The following R3HCC1L variants were observed in gnomAD, a reference collection of about 807,000 sequenced individuals.
R3HCC1L encodes the protein coiled-coil domain-containing protein R3HCC1L.
A neutral mutation model predicts 59.9 loss-of-function variants in R3HCC1L; 51 were observed. The observed-to-expected ratio is 0.85, with a 90% CI of 0.68 to 1.07. The LOEUF is 1.07. R3HCC1L is among the 50% of genes least tolerant of loss of function. The probability of loss-of-function intolerance (pLI) is 0.00; values close to 1 mark genes in which losing one functional copy is unlikely to be tolerated. For synonymous variants in R3HCC1L, 322 were observed against 315.2 expected (o/e 1.02, Z -0.23); for missense variants, 965 against 933.0 (o/e 1.03, Z -0.45).
intron 4 of R3HCC1L, chr10:98,186,503 A>G (rs1046624817): frequency 2.0e-6 from 2 of 983,448 alleles, no homozygotes; most frequent in African/African-American, 1.7e-5. Flanking sequence ...TGGATCTTAC[A>G]TAAACCTTTA....
chr10:98,209,307 C>T lies in R3HCC1L; in HGVS notation c.1193C>T (p.Ala398Val). 2 of 1,613,882 alleles carry T rather than the reference C, an allele frequency of 1.2e-6. No individual in the cohort carries two copies. The highest frequency in any genetic ancestry group is 1.7e-6 in the Non-Finnish European group (2 of 1,179,924). Residue 398 changes from alanine (A) to valine (V), a missense_variant, in exon 5 of 10, where the codon GCA becomes GTA. Transcript: ENST00000298999. Reference sequence around the variant, plus strand: ...ACTGTTGATAGCCCTTATGTAGTTGCAGTTAGAATAGCTGATGAGACCTCT... The same window carrying T: ...ACTGTTGATAGCCCTTATGTAGTTGTAGTTAGAATAGCTGATGAGACCTCT... ...HVTVDSPYVVAVRIADETSIN... is the reference protein window; with the variant it reads ...HVTVDSPYVVVVRIADETSIN...
intron 5 of R3HCC1L, among the ~76,000 whole-genome samples, chr10:98,213,854 A>G (rs762869644): frequency 1.3e-5 from 2 of 152,138 alleles, no homozygotes; most frequent in Non-Finnish European, 2.9e-5. Context: ...CTGAATTGAC[A>G]TGTTATTGAC....
At chr10:98,154,038 A>T (rs1207064008) in intron 1 of R3HCC1L, among the ~76,000 whole-genome samples, 1 of 152,212 alleles carries the variant, frequency 6.6e-6, no homozygotes, top group African/African-American at 2.4e-5. Flanking sequence ...TTACAGGTTG[A>T]GTATCCCTTA....
intron 1 of R3HCC1L, among the ~76,000 whole-genome samples, chr10:98,151,936 G>A (rs1051312923): frequency 6.6e-6 from 1 of 151,702 alleles, no homozygotes; most frequent in South Asian, 2.1e-4. Context: ...CTCTCCCCAC[G>A]GTCTCCCTCT....
intron 4 of R3HCC1L, among the ~76,000 whole-genome samples, chr10:98,195,572 T>C (rs1219053768): frequency 6.7e-6 from 1 of 148,272 alleles, no homozygotes; most frequent in Non-Finnish European, 1.5e-5. Flanking sequence ...TATTGTAAAG[T>C]CCTTTTGTAT....
chr10:98,229,562 T>C (rs1856106086), intron 5 of R3HCC1L, among the ~76,000 whole-genome samples: 1 of 152,204 alleles, frequency 6.6e-6, no homozygotes, highest in Non-Finnish European at 1.5e-5. Flanking sequence ...CCTAATTGAT[T>C]ACCCTTTATT....
chr10:98,149,343 A>G (rs188507036), intron 1 of R3HCC1L, among the ~76,000 whole-genome samples: 2 of 151,914 alleles, frequency 1.3e-5, no homozygotes, highest in South Asian at 2.1e-4. Context: ...CCGTAGTCTA[A>G]ATTCTATTTA....
intron 1 of R3HCC1L, among the ~76,000 whole-genome samples, chr10:98,148,579 G>C (rs1452819809): frequency 1.3e-5 from 2 of 151,986 alleles, no homozygotes; most frequent in African/African-American, 4.8e-5. Context: ...TGTGCTGAGG[G>C]TTTTTATCAT....
intron 4 of R3HCC1L, among the ~76,000 whole-genome samples, chr10:98,197,255 C>G (rs1394937143): frequency 6.6e-6 from 1 of 152,018 alleles, no homozygotes; most frequent in Non-Finnish European, 1.5e-5. Context: ...ACTTGTTTTC[C>G]TGTTACTTCT....
intron 5 of R3HCC1L, among the ~76,000 whole-genome samples, chr10:98,221,456 T>G (rs1437243703): frequency 6.6e-6 from 1 of 151,508 alleles, no homozygotes; most frequent in Non-Finnish European, 1.5e-5. Context: ...TCCTTGCCCA[T>G]GCCTATGTCC....
chr10:98,142,805 T>C (rs181013177), intron 1 of R3HCC1L, among the ~76,000 whole-genome samples: 3 of 151,972 alleles, frequency 2.0e-5, no homozygotes, highest in Middle Eastern at 3.2e-3. Flanking sequence ...TCTGGCGACA[T>C]GTGCCTGTAG....
chr10:98,231,434 A>G, intron 5 of R3HCC1L, 78 bp from the exon 6 acceptor site: 10 of 1,322,370 alleles, frequency 7.6e-6, no homozygotes, highest in Non-Finnish European at 9.5e-6. Context: ...AGGGAGGAGG[A>G]TTGTTTATAT....
intron 4 of R3HCC1L, among the ~76,000 whole-genome samples, chr10:98,171,710 G>C (rs1003450964): frequency 1.3e-5 from 2 of 152,160 alleles, no homozygotes; most frequent in African/African-American, 4.8e-5. Flanking sequence ...TGTAGGTTCT[G>C]GGAACCTATG....
At chr10:98,205,579 A>G (rs1224297380) in intron 4 of R3HCC1L, among the ~76,000 whole-genome samples, 1 of 152,220 alleles carries the variant, frequency 6.6e-6, no homozygotes, top group Non-Finnish European at 1.5e-5. Flanking sequence ...GTAATACTAC[A>G]AAGGACACTT....
chr10:98,208,694 G>C lies in R3HCC1L; in HGVS notation c.580G>C (p.Asp194His), dbSNP rs1165433194. 1.2e-6 allele frequency: 2 copies of C among 1,614,134 alleles called. No individual in the cohort carries two copies. Among genetic ancestry groups the C allele is most frequent in the East Asian group, 4.5e-5 (2 of 44,874 alleles). Residue 194 changes from aspartate to histidine, a missense_variant, in exon 5 of 10, where the codon GAT becomes CAT. Transcript: ENST00000298999. ...CTGTGACTTCAGTAGGCATGAACCT[G>C]ATGGGGAAGCATTTGAAGACAAAGA... is the stretch of plus-strand genomic sequence containing the variant. ...EFCDFSRHEP[D>H]GEAFEDKDLE... is the part of the protein sequence containing the mutation.
intron 5 of R3HCC1L, among the ~76,000 whole-genome samples, chr10:98,215,614 AC>A (rs1854103984): frequency 6.6e-6 from 1 of 152,194 alleles, no homozygotes. Context: ...ACATAAAAGA[AC>A]CAAAAATCTT....
intron 5 of R3HCC1L, among the ~76,000 whole-genome samples, chr10:98,223,388 G>A (rs550328005): frequency 5.9e-5 from 9 of 152,004 alleles, no homozygotes; most frequent in African/African-American, 2.2e-4. Context: ...ATTTTTCATT[G>A]GAATGTTGGT....
intron 2 of R3HCC1L, 140 bp from the exon 3 acceptor site, chr10:98,162,743 G>A (rs573399188): frequency 4.6e-5 from 7 of 152,540 alleles, no homozygotes; most frequent in African/African-American, 1.7e-4. Flanking sequence ...TGTCACCCAG[G>A]TTGGAGTGCA....
intron 2 of R3HCC1L, among the ~76,000 whole-genome samples, chr10:98,162,375 C>T (rs1163552090): frequency 6.6e-6 from 1 of 152,192 alleles, no homozygotes; most frequent in African/African-American, 2.4e-5. Flanking sequence ...ATATTGTTAA[C>T]AGCTTTCCAT....
Sources: allele counts gnomAD v4.1 joint callset (sites outside exome capture counted in the v4.1 genomes callset), GRCh38; gene constraint gnomAD v4.1.1; transcripts MANE v1.5; gene names NCBI Gene and HGNC (gene_info 2026-07-23, HGNC 2026-07-21).